MOBP: variants seen among roughly 807,000 people sequenced by gnomAD.
MOBP encodes the protein myelin-associated oligodendrocyte basic protein.
MOBP carries 5 observed loss-of-function variants against 15.0 expected under a neutral mutation model. The observed-to-expected ratio is 0.33, with a 90% CI of 0.17 to 0.70. The LOEUF is 0.70. Among genes scored for constraint, MOBP ranks in the 30% least tolerant of loss-of-function variants. MOBP has a pLI of 0.67. For missense variants in MOBP, 188 were observed against 257.8 expected (o/e 0.73, Z 1.85); for synonymous variants, 88 against 99.0 (o/e 0.89, Z 0.66).
At chr3:39,483,424 G>A (rs929641375) in intron 2 of MOBP, among the ~76,000 whole-genome samples, 13 of 152,170 alleles carry the variant, frequency 8.5e-5, no homozygotes, top group African/African-American at 3.1e-4. Context: ...ATTTCAGCTT[G>A]TGTCTCCAGC....
intron 2 of MOBP, among the ~76,000 whole-genome samples, chr3:39,494,782 G>GCCCCCCCCC (rs142834446): frequency 9.4e-4 from 81 of 85,922 alleles, no homozygotes; most frequent in Non-Finnish European, 1.2e-3. Context: ...TATTTTCAAA[G>GCCCCCCCCC]CCCCCCCCCG....
intron 3 of MOBP, among the ~76,000 whole-genome samples, chr3:39,521,488 A>G (rs1235024876): frequency 6.6e-6 from 1 of 152,062 alleles, no homozygotes; most frequent in Admixed American, 6.6e-5. Flanking sequence ...TTTGCTCTTC[A>G]CTCTTAATGC....
intron 1 of MOBP, among the ~76,000 whole-genome samples, chr3:39,477,243 A>G (rs2042556545): frequency 6.6e-6 from 1 of 151,992 alleles, no homozygotes; most frequent in African/African-American, 2.4e-5. Flanking sequence ...CCATAGTTTC[A>G]CCCTGCAGTT....
Position 39,477,507 on chromosome 3 carries a change from C to T in MOBP, c.-88-2533C>T, listed in dbSNP as rs552258117. On this transcript the variant is annotated intron_variant, in intron 1 of 3. Transcript: ENST00000684792. ...AAAGTACAGCACATACAATTATGTA[C>T]AGTACATAATACTTGGTAATGCTGA... 2.0e-5 allele frequency among the ~76,000 whole-genome samples: 3 copies of T among 151,840 alleles called. No homozygotes were observed. The South Asian group carries it at 6.3e-4, about 32-fold the overall frequency.
At chr3:39,472,117 G>T (rs900601298) in intron 1 of MOBP, among the ~76,000 whole-genome samples, 6 of 152,332 alleles carry the variant, frequency 3.9e-5, no homozygotes, top group South Asian at 2.1e-4. Flanking sequence ...TTTGGAAGTG[G>T]CTGGCAGTTT....
exon 5 of MOBP, chr3:39,514,503 C>T (rs926824126): frequency 6.6e-6 from 1 of 152,136 alleles, no homozygotes; most frequent in Non-Finnish European, 1.5e-5. Context: ...GAGGCCTGGT[C>T]CCCCCAGTGC....
chr3:39,478,294 G>A (rs1301646655), intron 1 of MOBP, among the ~76,000 whole-genome samples: 4 of 152,060 alleles, frequency 2.6e-5, no homozygotes, highest in African/African-American at 9.7e-5. Flanking sequence ...AATTACTATT[G>A]TGTTACAGTT....
chr3:39,508,962 C>T (rs947424659), intron 4 of MOBP, among the ~76,000 whole-genome samples: 5 of 152,036 alleles, frequency 3.3e-5, no homozygotes, highest in African/African-American at 1.2e-4. Flanking sequence ...TACAGGCATC[C>T]CTATACAGTA....
intron 1 of MOBP, among the ~76,000 whole-genome samples, 180 bp from the exon 2 acceptor site, chr3:39,479,860 G>A (rs1354504632): frequency 6.6e-6 from 1 of 150,496 alleles, no homozygotes. Context: ...GTTTACACGT[G>A]ATTTTGTGAC....
chr3:39,506,528 G>A (rs928233851), downstream of MOBP, among the ~76,000 whole-genome samples: 13 of 152,186 alleles, frequency 8.5e-5, no homozygotes, highest in Non-Finnish European at 1.5e-4. Context: ...TAGTCCTGCC[G>A]AGGACCTCTG....
chr3:39,497,594 T>C lies in MOBP; in HGVS notation c.-4-4472T>C, dbSNP rs183296814. On this transcript the variant is annotated intron_variant, in intron 2 of 3. Transcript: ENST00000684792. ...TCCCTTGCTGCCTCTTACTGGCTTATGGACTTAGTCATGTTCTGTAGATTT... is the reference window on the plus strand; with the variant it reads ...TCCCTTGCTGCCTCTTACTGGCTTACGGACTTAGTCATGTTCTGTAGATTT... Among the ~76,000 whole-genome samples, 371 of 152,368 alleles carry C rather than the reference T, an allele frequency of 2.4e-3. 1 individual carries two copies. The highest frequency in any genetic ancestry group is 4.4e-3 in the Non-Finnish European group (297 of 68,034).
At chr3:39,476,428 A>G (rs1290946161) in intron 1 of MOBP, among the ~76,000 whole-genome samples, 2 of 152,186 alleles carry the variant, frequency 1.3e-5, no homozygotes, top group Non-Finnish European at 2.9e-5. Flanking sequence ...ATATGCACAC[A>G]CCTATGTTTA....
intron 4 of MOBP, among the ~76,000 whole-genome samples, chr3:39,512,428 T>C (rs760378302): frequency 6.6e-6 from 1 of 152,196 alleles, no homozygotes; most frequent in Non-Finnish European, 1.5e-5. Flanking sequence ...CTTCCTCAAA[T>C]TTCAAGGGAT....
intron 2 of MOBP, among the ~76,000 whole-genome samples, chr3:39,494,656 C>T (rs2370969): frequency 0.39 from 58,630 of 151,820 alleles, 11,655 homozygotes; most frequent in Non-Finnish European, 0.42. Flanking sequence ...GTCTAAAAAA[C>T]TCAGCAGGAT....
chr3:39,526,302 A>G (rs979793832), downstream of MOBP: 2 of 152,256 alleles, frequency 1.3e-5, no homozygotes, highest in African/African-American at 4.8e-5. Context: ...AAATGTTAGT[A>G]ACAAGAAACT....
intron 1 of MOBP, among the ~76,000 whole-genome samples, chr3:39,475,333 C>T (rs1048948438): frequency 2.8e-4 from 43 of 152,188 alleles, no homozygotes; most frequent in African/African-American, 9.9e-4. Context: ...ATGATACTTC[C>T]CAGATTTCTC....
chr3:39,471,546 A>G (rs1346471743), intron 1 of MOBP, among the ~76,000 whole-genome samples: 1 of 152,110 alleles, frequency 6.6e-6, no homozygotes, highest in Non-Finnish European at 1.5e-5. Context: ...TAACAATTCA[A>G]TTACACCAGG....
chr3:39,519,389 A>G (rs914455539), downstream of MOBP, among the ~76,000 whole-genome samples: 13 of 152,014 alleles, frequency 8.6e-5, no homozygotes, highest in Non-Finnish European at 1.8e-4. Flanking sequence ...TTTATTTTCA[A>G]CTAGAGCTTT....
At chr3:39,498,817 G>A (rs1300720075) in intron 2 of MOBP, among the ~76,000 whole-genome samples, 1 of 152,098 alleles carries the variant, frequency 6.6e-6, no homozygotes, top group Non-Finnish European at 1.5e-5. Context: ...AGTTGTCATG[G>A]AGTAAGAAAC....
Sources: allele counts gnomAD v4.1 joint callset (sites outside exome capture counted in the v4.1 genomes callset), GRCh38; gene constraint gnomAD v4.1.1; transcripts MANE v1.5; gene names NCBI Gene and HGNC (gene_info 2026-07-23, HGNC 2026-07-21).